Variants in AUTS2 observed in about 807,000 individuals in gnomAD.
AUTS2 encodes the protein autism susceptibility gene 2 protein.
A neutral mutation model predicts 112.4 loss-of-function variants in AUTS2; 17 were observed. The observed-to-expected ratio is 0.15, with a 90% CI of 0.10 to 0.23. The LOEUF (loss-of-function observed/expected upper bound fraction) is 0.23, where lower values mean the gene tolerates loss of function less well. Ranked by LOEUF, AUTS2 falls within the 10% of genes least tolerant of loss-of-function variation. The pLI is 1.00. For missense variants in AUTS2, 1,510 were observed against 1,701.6 expected, an observed-to-expected ratio of 0.89 and a Z score of 1.98; for synonymous variants, 751 against 702.7, an observed-to-expected ratio of 1.07 and a Z score of -1.09.
At chr7:69,929,714 C>T (rs921844926) in intron 2 of AUTS2, among the ~76,000 whole-genome samples, 3 of 152,194 alleles carry the variant, frequency 2.0e-5, no homozygotes, top group Admixed American at 1.3e-4. Flanking sequence ...TTTAAAAATA[C>T]TTACAAGTCT....
At chr7:69,641,490 C>T (rs1027595010) in intron 1 of AUTS2, among the ~76,000 whole-genome samples, 1 of 151,858 alleles carries the variant, frequency 6.6e-6, no homozygotes, top group Non-Finnish European at 1.5e-5. Flanking sequence ...GTCTTTGTCC[C>T]TGTATCTCTG....
chr7:70,608,461 G>A (rs1396513005), intron 5 of AUTS2, among the ~76,000 whole-genome samples: 1 of 152,202 alleles, frequency 6.6e-6, no homozygotes, highest in African/African-American at 2.4e-5. Flanking sequence ...TGTCCGGGAG[G>A]TTTTTAAATG....
At chr7:69,749,380 A>T (rs1363595021) in intron 1 of AUTS2, among the ~76,000 whole-genome samples, 3 of 152,188 alleles carry the variant, frequency 2.0e-5, no homozygotes, top group Non-Finnish European at 4.4e-5. Flanking sequence ...CTCGAAAAGA[A>T]ATCTGTACCC....
intron 4 of AUTS2, among the ~76,000 whole-genome samples, chr7:70,354,500 C>G (rs1428759943): frequency 6.6e-6 from 1 of 152,164 alleles, no homozygotes; most frequent in East Asian, 1.9e-4. Context: ...CTCAACAATC[C>G]TGTGAGGTAA....
At chr7:69,858,302 A>G (rs538050892) in intron 1 of AUTS2, among the ~76,000 whole-genome samples, 39 of 152,308 alleles carry the variant, frequency 2.6e-4, no homozygotes, top group Non-Finnish European at 4.9e-4. Flanking sequence ...CCTTGGGGTT[A>G]TTAATAATGG....
intron 2 of AUTS2, among the ~76,000 whole-genome samples, chr7:70,037,025 A>G (rs1191645804): frequency 2.0e-5 from 3 of 152,176 alleles, no homozygotes; most frequent in Non-Finnish European, 4.4e-5. Context: ...AAAAATAATT[A>G]TATTTATACA....
intron 6 of AUTS2, among the ~76,000 whole-genome samples, chr7:70,722,506 C>G (rs1372300089): frequency 1.3e-5 from 2 of 152,224 alleles, no homozygotes. Flanking sequence ...TTTCTCTTCC[C>G]CTCTTTTCTT....
intron 1 of AUTS2, among the ~76,000 whole-genome samples, chr7:69,898,252 G>A (rs1449436858): frequency 6.6e-6 from 1 of 152,170 alleles, no homozygotes; most frequent in Non-Finnish European, 1.5e-5. Context: ...AACTGAGGAA[G>A]TGTGGTAAGG....
intron 1 of AUTS2, among the ~76,000 whole-genome samples, chr7:69,818,786 A>C (rs1356069135): frequency 1.3e-5 from 2 of 152,318 alleles, no homozygotes; most frequent in Non-Finnish European, 2.9e-5. Context: ...GTAAGGTTGA[A>C]AGCAAATTTC....
At chr7:70,410,173 G>A (rs1373166744) in intron 4 of AUTS2, among the ~76,000 whole-genome samples, 1 of 152,112 alleles carries the variant, frequency 6.6e-6, no homozygotes, top group Non-Finnish European at 1.5e-5. Flanking sequence ...TTTTGACTGA[G>A]AGCAACAGTG....
At chr7:69,666,377 A>G (rs998766517) in intron 1 of AUTS2, among the ~76,000 whole-genome samples, 5 of 152,196 alleles carry the variant, frequency 3.3e-5, no homozygotes, top group African/African-American at 1.2e-4. Context: ...AATTTTAGGT[A>G]CCCATCCTAA....
At chr7:70,724,698 G>A (rs4718986) in intron 6 of AUTS2, among the ~76,000 whole-genome samples, 34,689 of 151,824 alleles carry the variant, frequency 0.23, 4,804 homozygotes, top group East Asian at 0.58. Flanking sequence ...GCTTGCCTCG[G>A]CCTCCCAAAG....
At chr7:70,010,537 C>T (rs1427119247) in intron 2 of AUTS2, among the ~76,000 whole-genome samples, 1 of 152,180 alleles carries the variant, frequency 6.6e-6, no homozygotes, top group Non-Finnish European at 1.5e-5. Context: ...CTCCATCCCC[C>T]TTGATGACTG....
intron 4 of AUTS2, among the ~76,000 whole-genome samples, chr7:70,288,491 A>C (rs1788567205): frequency 2.0e-5 from 3 of 152,156 alleles, no homozygotes; most frequent in Admixed American, 2.0e-4. Flanking sequence ...GACTTCATTT[A>C]CCCGCTCTAT....
intron 5 of AUTS2, among the ~76,000 whole-genome samples, chr7:70,543,476 C>T (rs1800638389): frequency 6.6e-6 from 1 of 150,718 alleles, no homozygotes; most frequent in Non-Finnish European, 1.5e-5. Flanking sequence ...TTGTGCTGAG[C>T]TGAGATCGCA....
At chr7:70,278,392 G>A (rs1788040643) in intron 4 of AUTS2, among the ~76,000 whole-genome samples, 1 of 152,018 alleles carries the variant, frequency 6.6e-6, no homozygotes, top group South Asian at 2.1e-4. Flanking sequence ...AAGCCAGCCT[G>A]GGCAACATAG....
intron 4 of AUTS2, among the ~76,000 whole-genome samples, chr7:70,260,838 C>T (rs1272159322): frequency 6.6e-6 from 1 of 151,886 alleles, no homozygotes; most frequent in Non-Finnish European, 1.5e-5. Context: ...CAACCTCCGC[C>T]TCCCGGGTTC....
chr7:70,123,484 C>T (rs1805796991), intron 3 of AUTS2, among the ~76,000 whole-genome samples: 1 of 152,022 alleles, frequency 6.6e-6, no homozygotes, highest in Non-Finnish European at 1.5e-5. Flanking sequence ...ATCTTTTCTA[C>T]TCCTCTCCCT....
At chr7:70,564,817 A>C (rs1412674799) in intron 5 of AUTS2, among the ~76,000 whole-genome samples, 1 of 152,188 alleles carries the variant, frequency 6.6e-6, no homozygotes, top group Non-Finnish European at 1.5e-5. Flanking sequence ...TAAAAAAATT[A>C]GGCCAGGCAC....
Sources: allele counts gnomAD v4.1 joint callset (sites outside exome capture counted in the v4.1 genomes callset), GRCh38; gene constraint gnomAD v4.1.1; transcripts MANE v1.5; gene names NCBI Gene and HGNC (gene_info 2026-07-23, HGNC 2026-07-21).